The following CLIC4 variants were observed in gnomAD, a reference collection of about 807,000 sequenced individuals.
CLIC4 encodes chloride intracellular channel protein 4.
In CLIC4, 13 loss-of-function variants were observed where a neutral mutation model predicts 24.6. The ratio of observed to expected loss-of-function variants is 0.53; its 90% confidence interval spans 0.34 to 0.84. The LOEUF (loss-of-function observed/expected upper bound fraction) is 0.84. CLIC4 is among the 40% of genes least tolerant of loss of function. CLIC4 has a pLI of 0.01. For synonymous variants in CLIC4, 104 were observed against 111.3 expected, an observed-to-expected ratio of 0.93 and a Z score of 0.41; for missense variants, 227 against 301.7, an observed-to-expected ratio of 0.75 and a Z score of 1.83.
At chr1:24,757,664 A>C (rs1638868647) in intron 1 of CLIC4, among the ~76,000 whole-genome samples, 1 of 152,204 alleles carries the variant, frequency 6.6e-6, no homozygotes, top group Admixed American at 6.5e-5. Context: ...CTAATTAGGA[A>C]AAAAAAGAAG....
At chr1:24,792,353 C>G (rs189412869) in intron 1 of CLIC4, among the ~76,000 whole-genome samples, 73 of 152,008 alleles carry the variant, frequency 4.8e-4, no homozygotes, top group Non-Finnish European at 4.7e-4. Flanking sequence ...ACCACACTGG[C>G]TAATTTTCTA....
At chr1:24,803,807 A>G (rs1314829319) in intron 2 of CLIC4, among the ~76,000 whole-genome samples, 5 of 152,338 alleles carry the variant, frequency 3.3e-5, no homozygotes, top group African/African-American at 7.2e-5. Flanking sequence ...CTAGCTGTGT[A>G]TGGAGAGAGC....
In CLIC4 at chr1:24,785,854, CAAAAAAA is replaced by C. The variant is rs61009244; in HGVS notation, c.73-11872_73-11866del. ...TGGGTGACAGAGCGAGACTACAACT[CAAAAAAA>C]AAAAAAAAAAAAAAAGAAAAGAAAA... is the stretch of plus-strand genomic sequence containing the variant. On this transcript the variant is annotated intron_variant, in intron 1 of 5. Coordinates refer to ENST00000374379, the MANE Select transcript of CLIC4 (RefSeq NM_013943.3). Among the ~76,000 whole-genome samples, 10 of 58,866 alleles carry C rather than the reference CAAAAAAA, an allele frequency of 1.7e-4. No individual in the cohort carries two copies. The South Asian group carries it at 2.9e-3, about 17-fold the overall frequency. 38.6% of individuals were successfully genotyped at this position (58,866 alleles called of 152,430 possible).
chr1:24,799,711 C>A (rs1281983186), intron 2 of CLIC4, among the ~76,000 whole-genome samples: 1 of 140,898 alleles, frequency 7.1e-6, no homozygotes, highest in South Asian at 2.3e-4. Flanking sequence ...GGGGGTCAGC[C>A]CCCCGCCCGG....
chr1:24,752,815 C>T lies in CLIC4; in HGVS notation c.72+7190C>T, dbSNP rs190468471. The stretch of plus-strand genomic sequence containing the variant: ...TTGGCTCACTGCAACCTCTGCTTCC[C>T]GGGTTCAAGCGATTCTTCTGCCTCA... On this transcript the variant is annotated intron_variant, in intron 1 of 5. Coordinates refer to ENST00000374379, the MANE Select transcript of CLIC4 (RefSeq NM_013943.3). Among the ~76,000 whole-genome samples the T allele has an allele frequency of 5.6e-3, 849 of 152,220 alleles. 9 individuals are homozygous for T. The highest frequency in any genetic ancestry group is 0.019 in the African/African-American group (802 of 41,516).
At chr1:24,762,357 G>T (rs532001147) in intron 1 of CLIC4, among the ~76,000 whole-genome samples, 1 of 152,302 alleles carries the variant, frequency 6.6e-6, no homozygotes, top group African/African-American at 2.4e-5. Flanking sequence ...CCAGGAGTTA[G>T]AGGCTACGGT....
intron 4 of CLIC4, among the ~76,000 whole-genome samples, chr1:24,836,596 G>A (rs1639887875): frequency 6.6e-6 from 1 of 152,204 alleles, no homozygotes; most frequent in Non-Finnish European, 1.5e-5. Context: ...CCAGCACTTA[G>A]GGAGGCTGAG....
chr1:24,784,297 A>G (rs1639239478), intron 1 of CLIC4, among the ~76,000 whole-genome samples: 1 of 152,162 alleles, frequency 6.6e-6, no homozygotes, highest in Non-Finnish European at 1.5e-5. Flanking sequence ...CAACTATCCA[A>G]TGAGGTTATT....
intron 1 of CLIC4, among the ~76,000 whole-genome samples, chr1:24,755,212 C>T (rs1450906293): frequency 4.6e-5 from 7 of 151,826 alleles, no homozygotes; most frequent in South Asian, 4.2e-4. Flanking sequence ...ATGATCTGCC[C>T]GCCTCGGCCT....
At chr1:24,790,380 T>C (rs995773785) in intron 1 of CLIC4, among the ~76,000 whole-genome samples, 1 of 152,210 alleles carries the variant, frequency 6.6e-6, no homozygotes, top group South Asian at 2.1e-4. Flanking sequence ...CCCCACTTTT[T>C]AGATTTAATA....
chr1:24,811,033 C>A (rs774061890), intron 2 of CLIC4, among the ~76,000 whole-genome samples: 2 of 150,628 alleles, frequency 1.3e-5, no homozygotes, highest in Non-Finnish European at 2.9e-5. Flanking sequence ...GAGCCGAGAT[C>A]GCACCACTGC....
At chr1:24,752,858 G>A (rs1422602181) in intron 1 of CLIC4, among the ~76,000 whole-genome samples, 1 of 152,152 alleles carries the variant, frequency 6.6e-6, no homozygotes, top group Non-Finnish European at 1.5e-5. Context: ...GAGTAGCTGG[G>A]ACTACAGGCG....
chr1:24,775,224 C>CTTTTTTTTTTT, intron 1 of CLIC4, among the ~76,000 whole-genome samples: 489 of 90,556 alleles, frequency 5.4e-3, no homozygotes, highest in Middle Eastern at 0.013. Context: ...TTCTTTCTTT[C>CTTTTTTTTTTT]TTTTTTTTTT....
chr1:24,786,828 C>T (rs1270454772), intron 1 of CLIC4, among the ~76,000 whole-genome samples: 1 of 152,028 alleles, frequency 6.6e-6, no homozygotes, highest in African/African-American at 2.4e-5. Context: ...CCATGTTAGC[C>T]AGGATGGTCT....
Position 24,776,642 on chromosome 1 carries a change from T to A in CLIC4, c.73-21100T>A, listed in dbSNP as rs531538729. On this transcript the variant is annotated intron_variant, in intron 1 of 5. Coordinates refer to ENST00000374379, the MANE Select transcript of CLIC4 (RefSeq NM_013943.3). ...AAATATATTAATGCTTCCTTGACTT[T>A]TGAAAATGCTGAGTTTGGCCAGGTG... Among the ~76,000 whole-genome samples, 3 of 152,362 alleles carry A rather than the reference T, an allele frequency of 2.0e-5. No homozygotes were observed. In the East Asian group the frequency reaches 5.8e-4, roughly 29 times the overall value.
At position 24,799,579 on chromosome 1, in the gene CLIC4, G is replaced by C. The variant is rs181272943; in HGVS notation, c.182+1728G>C. The stretch of plus-strand genomic sequence containing the variant: ...GAGGAGCGTCTCCGCCCGGCCAGCC[G>C]CCCCGTCGGGGAGGGAGGTGGGGGG... On this transcript the variant is annotated intron_variant, in intron 2 of 5. Coordinates refer to ENST00000374379, the MANE Select transcript of CLIC4 (RefSeq NM_013943.3). Among the ~76,000 whole-genome samples, 342 of 148,988 alleles carry C rather than the reference G, an allele frequency of 2.3e-3. 1 individual carries two copies. Among genetic ancestry groups the C allele is most frequent in the Non-Finnish European group, 3.4e-3 (232 of 67,408 alleles).
At chr1:24,816,279 G>GCCC (rs1425950679) in intron 3 of CLIC4, among the ~76,000 whole-genome samples, 1 of 89,500 alleles carries the variant, frequency 1.1e-5, no homozygotes, top group Non-Finnish European at 2.1e-5. Flanking sequence ...CGTTCTTATC[G>GCCC]CCCAGGCTGG....
rs560738278 is a variant in CLIC4, at chr1:24,751,178, CT to C, written c.72+5561del. ...CCAGTGTAATTTTATGTACTCACCT[CT>C]TTTTTTTCTCCATTTAATACTTCCA... is the stretch of plus-strand genomic sequence containing the variant. On this transcript the variant is annotated intron_variant, in intron 1 of 5. Transcript: ENST00000374379. Among the ~76,000 whole-genome samples the C allele has an allele frequency of 2.1e-4, 31 of 148,600 alleles. No homozygotes were observed. The East Asian group carries it at 5.5e-3, about 26-fold the overall frequency.
chr1:24,751,423 T>C lies in CLIC4; in HGVS notation c.72+5798T>C, dbSNP rs545207514. On this transcript the variant is annotated intron_variant, in intron 1 of 5. Transcript: ENST00000374379. ...ATGAGGAGCTAATTTGTATTTGTAG[T>C]AGAGACGGGGTTTCACTATGTTGGC... is the stretch of plus-strand genomic sequence containing the variant. Among the ~76,000 whole-genome samples, 11 of 152,156 alleles carry C rather than the reference T, an allele frequency of 7.2e-5. No homozygotes were observed. The South Asian group carries it at 2.1e-3, about 29-fold the overall frequency.
Sources: allele counts gnomAD v4.1 joint callset (sites outside exome capture counted in the v4.1 genomes callset), GRCh38; gene constraint gnomAD v4.1.1; transcripts MANE v1.5; gene names NCBI Gene and HGNC (gene_info 2026-07-23, HGNC 2026-07-21).